CNTN4: variants seen among roughly 807,000 people sequenced by gnomAD.
The protein encoded by CNTN4 is contactin-4.
Under a neutral mutation model 122.5 loss-of-function variants are expected in CNTN4, and 77 were observed. The ratio of observed to expected loss-of-function variants is 0.63; its 90% CI spans 0.52 to 0.76. The LOEUF is 0.76. Among genes scored for constraint, CNTN4 ranks in the 30% least tolerant of loss-of-function variants. The probability of loss-of-function intolerance (pLI) is 0.00; values close to 1 mark genes in which losing one functional copy is unlikely to be tolerated. For synonymous variants in CNTN4, 512 were observed against 447.0 expected, an observed-to-expected ratio of 1.15 and a Z score of -1.83; for missense variants, 1,256 against 1,259.1, an observed-to-expected ratio of 1.00 and a Z score of 0.04.
intron 3 of CNTN4, chr3:2,511,511 A>G (rs565401285): frequency 6.6e-6 from 1 of 152,256 alleles, no homozygotes; most frequent in Non-Finnish European, 1.5e-5. Context: ...AGCGGAGAGC[A>G]GTTCAGCATC....
chr3:2,225,558 A>G (rs1451077928), intron 2 of CNTN4, among the ~76,000 whole-genome samples: 1 of 152,146 alleles, frequency 6.6e-6, no homozygotes, highest in African/African-American at 2.4e-5. Context: ...ACAAAAACCC[A>G]GGTCCTTTCC....
At chr3:2,547,248 ATTTATTTATTTAT>A (rs2078284907) in intron 3 of CNTN4, among the ~76,000 whole-genome samples, 1 of 147,444 alleles carries the variant, frequency 6.8e-6, no homozygotes, top group Non-Finnish European at 1.5e-5. Context: ...TTATTTATTT[ATTTATTTATTTAT>A]TTATTTATTT....
At chr3:2,728,782 G>A (rs921001124) in intron 4 of CNTN4, among the ~76,000 whole-genome samples, 1 of 152,164 alleles carries the variant, frequency 6.6e-6, no homozygotes, top group South Asian at 2.1e-4. Flanking sequence ...TTCTATTCAA[G>A]CCCTTGTGTT....
intron 3 of CNTN4, among the ~76,000 whole-genome samples, chr3:2,384,759 T>TAC (rs2046175164): frequency 1.5e-5 from 2 of 131,978 alleles, no homozygotes; most frequent in South Asian, 5.1e-4. Context: ...ACTCAATGTG[T>TAC]GCGTGTGTGT....
intron 2 of CNTN4, among the ~76,000 whole-genome samples, chr3:2,165,241 T>C (rs139288795): frequency 0.041 from 6,224 of 151,990 alleles, 167 homozygotes; most frequent in Middle Eastern, 0.065. Context: ...GAGAATTGCT[T>C]GAACCCAGGA....
intron 13 of CNTN4, among the ~76,000 whole-genome samples, chr3:2,957,142 G>A (rs556947162): frequency 6.6e-6 from 1 of 152,248 alleles, no homozygotes. Context: ...ATTTTCTTTG[G>A]ATATATACGC....
At chr3:2,244,221 T>A (rs1153515) in intron 2 of CNTN4, among the ~76,000 whole-genome samples, 132,289 of 149,564 alleles carry the variant, frequency 0.88, 57,545 homozygotes, top group East Asian at 0.97. Flanking sequence ...ATAAAAAAAA[T>A]CTATGTAAAT....
intron 2 of CNTN4, among the ~76,000 whole-genome samples, chr3:2,211,463 G>C (rs1481090928): frequency 1.3e-5 from 2 of 152,064 alleles, no homozygotes; most frequent in Non-Finnish European, 2.9e-5. Context: ...GTAGTTTTAT[G>C]TCACTCTATG....
At chr3:2,550,537 T>C (rs1041465805) in intron 3 of CNTN4, among the ~76,000 whole-genome samples, 6 of 152,162 alleles carry the variant, frequency 3.9e-5, no homozygotes, top group Non-Finnish European at 5.9e-5. Flanking sequence ...TGGAAGACAG[T>C]GTGGCGATTC....
chr3:2,561,193 G>A lies in CNTN4; in HGVS notation c.-88-10223G>A, dbSNP rs145880046. Among the ~76,000 whole-genome samples the A allele has an allele frequency of 3.9e-3, 595 of 152,166 alleles. 2 individuals carry two copies. Among genetic ancestry groups the A allele is most frequent in the Non-Finnish European group, 6.9e-3 (471 of 68,016 alleles). On this transcript the variant is annotated intron_variant, in intron 3 of 24. Coordinates refer to ENST00000418658, the MANE Select transcript of CNTN4 (RefSeq NM_175607.3). Reference sequence around the variant, plus strand: ...TACCTTTAGCTCTTCTTTAGTTTAGGTGATTAAAAAATGCCTGTTGCTGTC... The same window carrying A: ...TACCTTTAGCTCTTCTTTAGTTTAGATGATTAAAAAATGCCTGTTGCTGTC...
intron 4 of CNTN4, among the ~76,000 whole-genome samples, chr3:2,655,609 A>G (rs1320854058): frequency 6.6e-6 from 1 of 152,202 alleles, no homozygotes; most frequent in East Asian, 1.9e-4. Context: ...AGCTGTTTCC[A>G]GAATAAGTCA....
At chr3:2,354,791 C>T (rs1470239770) in intron 3 of CNTN4, among the ~76,000 whole-genome samples, 1 of 152,134 alleles carries the variant, frequency 6.6e-6, no homozygotes, top group Non-Finnish European at 1.5e-5. Flanking sequence ...TGCCAGCTCT[C>T]CCTGCCACCT....
chr3:2,327,502 C>G (rs1018739508), intron 2 of CNTN4, among the ~76,000 whole-genome samples: 2 of 152,092 alleles, frequency 1.3e-5, no homozygotes, highest in Non-Finnish European at 2.9e-5. Flanking sequence ...GCTTTTGCAT[C>G]TCTCCCTCTT....
chr3:2,678,298 C>G (rs968274264), intron 4 of CNTN4, among the ~76,000 whole-genome samples: 2 of 152,152 alleles, frequency 1.3e-5, no homozygotes, highest in African/African-American at 4.8e-5. Context: ...TTTTTCAGCC[C>G]TGTCGTAAAA....
intron 6 of CNTN4, among the ~76,000 whole-genome samples, chr3:2,784,812 A>C (rs79193563): frequency 6.6e-6 from 1 of 152,146 alleles, no homozygotes; most frequent in Non-Finnish European, 1.5e-5. Context: ...ACCTGACCAG[A>C]TGGTTTTAAG....
chr3:2,789,640 A>G (rs2091946356), intron 6 of CNTN4, among the ~76,000 whole-genome samples: 1 of 152,218 alleles, frequency 6.6e-6, no homozygotes, highest in Non-Finnish European at 1.5e-5. Flanking sequence ...CATGTTGGCC[A>G]GGCTGGTCTG....
chr3:2,932,163 G>C (rs1577318216), intron 13 of CNTN4, among the ~76,000 whole-genome samples: 1 of 152,086 alleles, frequency 6.6e-6, no homozygotes, highest in African/African-American at 2.4e-5. Flanking sequence ...GGATCACGAG[G>C]TCAGGAGATC....
intron 6 of CNTN4, among the ~76,000 whole-genome samples, chr3:2,805,862 T>A (rs1014863736): frequency 2.0e-5 from 3 of 152,174 alleles, no homozygotes; most frequent in African/African-American, 7.2e-5. Flanking sequence ...AAGTACAGAC[T>A]GTTTTTTCTA....
chr3:2,458,826 G>T (rs910386822), intron 3 of CNTN4, among the ~76,000 whole-genome samples: 2 of 152,124 alleles, frequency 1.3e-5, no homozygotes, highest in Admixed American at 1.3e-4. Context: ...TTTCTAGCCT[G>T]GTGACTATAA....
Sources: gnomAD v4.1 joint callset for allele counts (sites outside exome capture counted in the v4.1 genomes callset) on GRCh38, gnomAD v4.1.1 for gene constraint, MANE v1.5 for transcripts, NCBI Gene and HGNC (gene_info 2026-07-23, HGNC 2026-07-21) for gene names.